The following VSTM2A variants were observed in gnomAD, a reference collection of about 807,000 sequenced individuals.
The protein encoded by VSTM2A is V-set and transmembrane domain containing 2A, also known as V-set and transmembrane domain-containing protein 2A.
In VSTM2A, 13 loss-of-function variants were observed where a neutral mutation model predicts 27.3. The ratio of observed to expected loss-of-function variants is 0.48; its 90% CI spans 0.31 to 0.76. The LOEUF is 0.76. Ranked by LOEUF, VSTM2A falls within the 30% of genes least tolerant of loss-of-function variation. The pLI, the probability that VSTM2A is intolerant of heterozygous loss-of-function variation, is 0.05. For missense variants in VSTM2A, 280 were observed against 310.0 expected, an observed-to-expected ratio of 0.90 and a Z score of 0.73; for synonymous variants, 142 against 125.7, an observed-to-expected ratio of 1.13 and a Z score of -0.87.
At chr7:54,560,998 T>C (rs963808773) in intron 4 of VSTM2A, among the ~76,000 whole-genome samples, 4 of 152,226 alleles carry the variant, frequency 2.6e-5, no homozygotes, top group Admixed American at 2.0e-4. Context: ...TAATCTTTTA[T>C]CTTTAGTTTT....
intron 4 of VSTM2A, among the ~76,000 whole-genome samples, chr7:54,567,292 ATGCTTCAATAGTATAT>A (rs1380960496): frequency 3.3e-5 from 5 of 152,252 alleles, no homozygotes; most frequent in Non-Finnish European, 5.9e-5. Context: ...CAAAAGTACT[ATGCTTCAATAGTATAT>A]TACATATCTG....
At chr7:54,550,360 A>C (rs1023421289) in intron 4 of VSTM2A, 190 bp downstream of exon 4, 2 of 1,434,674 alleles carry the variant, frequency 1.4e-6, no homozygotes, top group African/African-American at 2.9e-5. Flanking sequence ...ATGTGGGTGC[A>C]CCCCGTCAGT....
chr7:54,564,394 A>G (rs1370228418), intron 4 of VSTM2A, among the ~76,000 whole-genome samples: 13 of 152,218 alleles, frequency 8.5e-5, no homozygotes. Flanking sequence ...ATCAGGAATC[A>G]CGCCTAATGC....
chr7:54,565,749 T>A (rs1039599689), intron 4 of VSTM2A, among the ~76,000 whole-genome samples: 1 of 152,264 alleles, frequency 6.6e-6, no homozygotes, highest in Admixed American at 6.5e-5. Flanking sequence ...ATGTTTTGAT[T>A]GTTTTTAATT....
intron 2 of VSTM2A, chr7:54,546,701 C>A: frequency 2.1e-6 from 1 of 479,054 alleles, no homozygotes; most frequent in Non-Finnish European, 3.7e-6. Context: ...CCGGGACAGC[C>A]CCGGGACAGC....
intron 4 of VSTM2A, among the ~76,000 whole-genome samples, chr7:54,554,408 A>G (rs1460632378): frequency 6.6e-6 from 1 of 152,098 alleles, no homozygotes; most frequent in East Asian, 1.9e-4. Flanking sequence ...TGTTCGAGTC[A>G]CCTTTGTACT....
intron 4 of VSTM2A, among the ~76,000 whole-genome samples, chr7:54,562,392 T>C (rs1375172460): frequency 1.3e-5 from 2 of 152,172 alleles, no homozygotes; most frequent in Non-Finnish European, 2.9e-5. Context: ...AAATTATGAG[T>C]TGTTTTTCCT....
chr7:54,548,447 G>T (rs1035598918), intron 3 of VSTM2A, among the ~76,000 whole-genome samples: 1 of 151,658 alleles, frequency 6.6e-6, no homozygotes, highest in Non-Finnish European at 1.5e-5. Context: ...AAATACTGAT[G>T]ATATAAGCTC....
intron 4 of VSTM2A, chr7:54,557,334 T>TTTG (rs1554332149): frequency 1.1e-4 from 17 of 150,762 alleles, no homozygotes; most frequent in African/African-American, 3.9e-4. Context: ...TTTTTTTTTT[T>TTTG]TTGTTGTTGT....
At chr7:54,550,352 G>A (rs1788149893) in intron 4 of VSTM2A, 182 bp downstream of exon 4, 1 of 1,445,118 alleles carries the variant, frequency 6.9e-7, no homozygotes, top group South Asian at 1.5e-5. Flanking sequence ...CTCAAAGCAT[G>A]TGGGTGCACC....
At chr7:54,554,463 C>T (rs1402255096) in intron 4 of VSTM2A, among the ~76,000 whole-genome samples, 1 of 152,136 alleles carries the variant, frequency 6.6e-6, no homozygotes, top group East Asian at 1.9e-4. Flanking sequence ...ACTCTTGTCC[C>T]CAAAGTATCT....
At position 54,550,231 on chromosome 7, in the gene VSTM2A, A is replaced by C. The variant is rs1441180939; in HGVS notation, c.634+61A>C. On this transcript the variant is annotated intron_variant, in intron 4 of 4. Transcript: ENST00000402613. ...CTCACAAACGCTCCACAGAAAGGTC[A>C]GTCGTATAGAGTAGACAGATTTATG... The C allele has an allele frequency of 2.6e-6, 4 of 1,549,920 alleles. No homozygotes were observed. In the African/African-American group the frequency reaches 5.5e-5, roughly 21 times the overall value.
At chr7:54,554,936 A>G (rs1323877918) in intron 4 of VSTM2A, among the ~76,000 whole-genome samples, 1 of 152,240 alleles carries the variant, frequency 6.6e-6, no homozygotes, top group Non-Finnish European at 1.5e-5. Flanking sequence ...TTGTTTCATG[A>G]TAGATACCCA....
At chr7:54,543,731 C>G (rs953483177) in intron 1 of VSTM2A, among the ~76,000 whole-genome samples, 2 of 152,110 alleles carry the variant, frequency 1.3e-5, no homozygotes, top group Non-Finnish European at 2.9e-5. Context: ...CCCAGGACTG[C>G]TTTTAGGGAA....
rs186365510 is a variant in VSTM2A, at chr7:54,547,319, A to T, written c.297+322A>T. Among the ~76,000 whole-genome samples the T allele has an allele frequency of 1.2e-4, 19 of 152,366 alleles. No homozygotes were observed. The East Asian group carries it at 3.1e-3, about 25-fold the overall frequency. On this transcript the variant is annotated intron_variant, in intron 3 of 4. Transcript: ENST00000402613. ...CTAATATCTATTCAAAATTATGGAA[A>T]CAATTATATTTTAGTAGAAAGTAAA...
At chr7:54,554,022 C>T in intron 4 of VSTM2A, 1 of 1,553,290 alleles carries the variant, frequency 6.4e-7, no homozygotes, top group Non-Finnish European at 8.7e-7. Flanking sequence ...TCTTCCCCAA[C>T]CTGGCCATGG....
At chr7:54,553,750 T>C (rs1788260158) in intron 4 of VSTM2A, 2 of 1,375,492 alleles carry the variant, frequency 1.5e-6, no homozygotes, top group South Asian at 2.8e-5. Context: ...TTGACCAGGA[T>C]GGAGTGGTTT....
chr7:54,554,484 C>G (rs1788288550), intron 4 of VSTM2A, among the ~76,000 whole-genome samples: 1 of 152,140 alleles, frequency 6.6e-6, no homozygotes, highest in Admixed American at 6.6e-5. Flanking sequence ...ACATATATAT[C>G]CTGCAAAAAC....
In VSTM2A at chr7:54,542,382, G is replaced by A. The variant is rs902900520; in HGVS notation, c.-349G>A. On this transcript the variant is annotated 5_prime_UTR_variant, in exon 1 of 5. Transcript: ENST00000402613. ...CCCGCTTGCCCACTCCCCACTTCCC[G>A]AGCCGGCTCCGTGTTTAGGGAGGGC... is the stretch of plus-strand genomic sequence containing the variant. The A allele has an allele frequency of 8.9e-6, 3 of 335,846 alleles. No individual in the cohort carries two copies. The highest frequency in any genetic ancestry group is 5.1e-5 in the South Asian group (1 of 19,436). 20.8% of individuals were successfully genotyped at this position (335,846 alleles called of 1,614,324 possible). A position where few individuals can be genotyped will look rare whatever the true frequency, so the allele number is the denominator to read the frequency against.
Sources: gnomAD v4.1 joint callset for allele counts (sites outside exome capture counted in the v4.1 genomes callset) on GRCh38, gnomAD v4.1.1 for gene constraint, MANE v1.5 for transcripts, NCBI Gene and HGNC (gene_info 2026-07-23, HGNC 2026-07-21) for gene names.